The following GEMIN5 variants were observed in gnomAD, a reference collection of about 807,000 sequenced individuals.
GEMIN5 encodes the protein gem-associated protein 5.
GEMIN5 carries 124 observed loss-of-function variants against 176.9 expected under a neutral mutation model. That is an observed-to-expected ratio of 0.70 (90% CI 0.61 to 0.81). The LOEUF (loss-of-function observed/expected upper bound fraction) is 0.81, where lower values mean the gene tolerates loss of function less well. Among genes scored for constraint, GEMIN5 ranks in the 40% least tolerant of loss-of-function variants. The pLI is 0.00. For synonymous variants in GEMIN5, 673 were observed against 665.2 expected, an observed-to-expected ratio of 1.01 and a Z score of -0.18; for missense variants, 1,843 against 1,814.6, an observed-to-expected ratio of 1.02 and a Z score of -0.28.
Position 154,891,451 on chromosome 5 carries a change from C to T in GEMIN5, c.4052G>A (p.Arg1351Gln), listed in dbSNP as rs371872689. ...LDLRLTEEGE[R>Q]MLSTFKELFS... ...GAGCTCCTTAAAAGTACTCAGCATT[C>T]GCTCACCTTCTTCTGTGAGTCTCAA... The change falls in exon 26 of 28, where the codon CGA (arginine) becomes CAA (glutamine). Residue 1351 changes from arginine (R) to glutamine (Q), a missense_variant. Coordinates refer to ENST00000285873, the MANE Select transcript of GEMIN5 (RefSeq NM_015465.5). 2.1e-5 allele frequency: 34 copies of T among 1,613,958 alleles called. No homozygotes were observed. The Middle Eastern group carries it at 4.9e-4, about 23-fold the overall frequency.
In GEMIN5 at chr5:154,911,736, G is replaced by A. The variant is rs1348500665; in HGVS notation, c.2158C>T (p.Pro720Ser). Residue 720 changes from proline to serine, a missense_variant, in exon 15 of 28, where the codon CCT (proline) becomes TCT (serine). Coordinates refer to ENST00000285873, the MANE Select transcript of GEMIN5 (RefSeq NM_015465.5). ...CTAGGTTCTGACTGACCTTGAGGAG[G>A]CCGGGAATGATCTTGCATGGAAGTG... ...WLTSMQDHSR[P>S]PQGKKSIELE... The A allele has an allele frequency of 6.2e-7, 1 of 1,613,018 alleles. No homozygotes were observed. The highest frequency in any genetic ancestry group is 1.3e-5 in the African/African-American group (1 of 74,880).
At chr5:154,936,807 A>G (rs945292895) in intron 2 of GEMIN5, among the ~76,000 whole-genome samples, 6 of 152,224 alleles carry the variant, frequency 3.9e-5, no homozygotes, top group African/African-American at 1.2e-4. Context: ...AATAAAACCT[A>G]TTTGCAAAAA....
chr5:154,895,710 T>G (rs1408282752), intron 24 of GEMIN5, among the ~76,000 whole-genome samples: 1 of 152,224 alleles, frequency 6.6e-6, no homozygotes, highest in South Asian at 2.1e-4. Flanking sequence ...TTTCTAGACT[T>G]TTTATTTTAC....
rs754321014 is a variant in GEMIN5 at position 154,898,546 on chromosome 5, T to G, written c.3239A>C (p.Glu1080Ala). 2 of 1,614,050 alleles carry G rather than the reference T, an allele frequency of 1.2e-6. No individual in the cohort carries two copies. The highest frequency in any genetic ancestry group is 4.5e-5 in the East Asian group (2 of 44,872). Residue 1080 changes from glutamate (E) to alanine (A), a missense_variant, in exon 23 of 28, where the codon GAG becomes GCG. By Grantham distance (107) the Glu-to-Ala change is moderately radical. Coordinates refer to ENST00000285873, the MANE Select transcript of GEMIN5 (RefSeq NM_015465.5). ...AGCCAGGGAAGCAGACAACTCATCC[T>G]CTCCTACGATGGCAGCCAACTCTGC... The part of the protein sequence containing the change: ...TAAELAAIVG[E>A]DELSASLALR...
chr5:154,894,706 A>G (rs936681049), intron 24 of GEMIN5, among the ~76,000 whole-genome samples: 4 of 152,130 alleles, frequency 2.6e-5, no homozygotes, highest in Non-Finnish European at 5.9e-5. Flanking sequence ...GGAGTTCGAG[A>G]CCAGCCTGGC....
intron 21 of GEMIN5, 68 bp from the exon 22 acceptor site, chr5:154,899,378 T>C (rs181313853): frequency 8.0e-5 from 105 of 1,320,116 alleles, no homozygotes; most frequent in Middle Eastern, 5.8e-4. Context: ...TAGGAGGGGC[T>C]GTAAGACAGG....
intron 21 of GEMIN5, among the ~76,000 whole-genome samples, chr5:154,900,072 G>A (rs1763433312): frequency 6.6e-6 from 1 of 152,148 alleles, no homozygotes; most frequent in South Asian, 2.1e-4. Context: ...GATAAAATGC[G>A]AGTTTTCTAG....
chr5:154,908,877 T>C (rs2113478357), intron 15 of GEMIN5, among the ~76,000 whole-genome samples: 1 of 152,350 alleles, frequency 6.6e-6, no homozygotes, highest in South Asian at 2.1e-4. Context: ...TATTTGCATC[T>C]ACTAGTTTTT....
In GEMIN5 at chr5:154,887,977, T is replaced by C. The variant is rs1763143865; in HGVS notation, c.*233A>G. 4 of 504,444 alleles carry C rather than the reference T, an allele frequency of 7.9e-6. No individual in the cohort carries two copies. The highest frequency in any genetic ancestry group is 3.6e-5 in the East Asian group (1 of 27,418). The allele number at this position is 504,444 out of a possible 1,614,324, so 31.2% of individuals were successfully genotyped here. ...GCAGGTGTTAGTTCTGAATAACTAC[T>C]GTGGGCTTTTCATGATCTTCCCTCC... On this transcript the variant is annotated 3_prime_UTR_variant, in exon 28 of 28. Coordinates refer to ENST00000285873, the MANE Select transcript of GEMIN5 (RefSeq NM_015465.5).
rs749818612 is a variant in GEMIN5, at chr5:154,938,154, A to T, written c.-21T>A. Reference sequence around the variant, plus strand: ...CCCATAACTACAAGCCGTCAGAGACAAGAGAAGCTGCCACAGCCGACCGCT... The same window carrying T: ...CCCATAACTACAAGCCGTCAGAGACTAGAGAAGCTGCCACAGCCGACCGCT... On this transcript the variant is annotated 5_prime_UTR_variant, in exon 1 of 28. Transcript: ENST00000285873. 2.2e-6 allele frequency: 3 copies of T among 1,354,782 alleles called. No homozygotes were observed. Among genetic ancestry groups the T allele is most frequent in the East Asian group, 2.8e-5 (1 of 35,088 alleles). The allele number at this position is 1,354,782 out of a possible 1,614,324, so 83.9% of individuals were successfully genotyped here.
intron 3 of GEMIN5, among the ~76,000 whole-genome samples, chr5:154,934,421 C>T (rs540731980): frequency 1.7e-4 from 26 of 152,274 alleles, no homozygotes; most frequent in African/African-American, 5.3e-4. Context: ...AGGTGATTTG[C>T]CCACCTCGGC....
Position 154,891,700 on chromosome 5 carries a change from G to C in GEMIN5, c.3803C>G (p.Pro1268Arg), listed in dbSNP as rs1357761609. The C allele has an allele frequency of 6.2e-7, 1 of 1,608,314 alleles. No homozygotes were observed. The highest frequency in any genetic ancestry group is 1.7e-5 in the Admixed American group (1 of 58,358). Residue 1268 changes from proline (P) to arginine (R), a missense_variant, in exon 26 of 28, where the codon CCT (proline) becomes CGT (arginine). Physicochemically the swap from Pro to Arg is moderately radical, Grantham distance 103. Transcript: ENST00000285873. Reference protein sequence around the residue: ...LRDKLGDHQSPATPAFKSLEA... With the variant: ...LRDKLGDHQSRATPAFKSLEA... Reference sequence around the variant, plus strand: ...CAAACTTTTGAAAGCTGGTGTGGCAGGGGATTGATGGTCCCCCAACTTGTC... The same window carrying C: ...CAAACTTTTGAAAGCTGGTGTGGCACGGGATTGATGGTCCCCCAACTTGTC...
intron 8 of GEMIN5, among the ~76,000 whole-genome samples, chr5:154,924,938 G>A (rs545867904): frequency 7.8e-4 from 119 of 152,138 alleles, no homozygotes; most frequent in African/African-American, 2.6e-3. Flanking sequence ...GCAGTGAGCC[G>A]AGATTGTGCC....
Position 154,902,555 on chromosome 5 carries a change from C to CCT in GEMIN5, c.2849_2850insAG (p.Ala951GlyfsTer73). On this transcript the variant is annotated frameshift_variant, in exon 20 of 28. Coordinates refer to ENST00000285873, the MANE Select transcript of GEMIN5 (RefSeq NM_015465.5). LOFTEE classifies it high-confidence loss of function. Reference sequence around the variant, plus strand: ...AAACCATACCTGCTGGTGCCATAGCCACAAGGTTGTCTGTCAGCTCCCCTC... The same window carrying CCT: ...AAACCATACCTGCTGGTGCCATAGCCCTACAAGGTTGTCTGTCAGCTCCCCTC... The CCT allele has an allele frequency of 6.2e-7, 1 of 1,614,066 alleles. No individual in the cohort carries two copies.
At chr5:154,913,709 T>C (rs1434852233) in intron 13 of GEMIN5, among the ~76,000 whole-genome samples, 3 of 151,866 alleles carry the variant, frequency 2.0e-5, no homozygotes, top group African/African-American at 7.3e-5. Flanking sequence ...CCCAGCTACA[T>C]AGGAGGCTGA....
rs77226340 is a variant in GEMIN5 at position 154,895,521 on chromosome 5, T to G, written c.3597+571A>C. Among the ~76,000 whole-genome samples, 150 of 151,226 alleles carry G rather than the reference T, an allele frequency of 9.9e-4. 2 individuals carry two copies. The East Asian group carries it at 0.024, about 24-fold the overall frequency. On this transcript the variant is annotated intron_variant, in intron 24 of 27. Coordinates refer to ENST00000285873, the MANE Select transcript of GEMIN5 (RefSeq NM_015465.5). ...TGCCTGTGGCGAGCTAGGGAAGGAG[T>G]GAAGGGCTGAGGAAAGGAACAAGAA...
At chr5:154,922,478 A>G (rs1277800854) in intron 9 of GEMIN5, among the ~76,000 whole-genome samples, 1 of 152,086 alleles carries the variant, frequency 6.6e-6, no homozygotes, top group Admixed American at 6.6e-5. Flanking sequence ...ATCTAAAAGA[A>G]ATAGAATAAG....
intron 5 of GEMIN5, 110 bp downstream of exon 5, chr5:154,931,348 G>T: frequency 8.8e-7 from 1 of 1,132,764 alleles, no homozygotes; most frequent in South Asian, 1.9e-5. Context: ...ACCAAAAAGT[G>T]AAGAACTGCT....
intron 11 of GEMIN5, 67 bp downstream of exon 11, chr5:154,919,900 G>T: frequency 5.0e-6 from 7 of 1,386,492 alleles, no homozygotes; most frequent in Non-Finnish European, 7.0e-6. Context: ...CATTTATTTT[G>T]CAAGATGGGA....
Sources: gnomAD v4.1 joint callset for allele counts (sites outside exome capture counted in the v4.1 genomes callset) on GRCh38, gnomAD v4.1.1 for gene constraint, MANE v1.5 for transcripts, NCBI Gene and HGNC (gene_info 2026-07-23, HGNC 2026-07-21) for gene names.